Variants in AGL observed in about 807,000 individuals in gnomAD.
AGL encodes the protein glycogen debranching enzyme.
In AGL, 128 loss-of-function variants were observed where a neutral mutation model predicts 199.3. The ratio of observed to expected loss-of-function variants is 0.64; its 90% CI spans 0.56 to 0.74. The LOEUF is 0.74. AGL is among the 30% of genes least tolerant of loss of function. The pLI is 0.00. For missense variants in AGL, 1,809 were observed against 1,820.8 expected (o/e 0.99, Z 0.12); for synonymous variants, 584 against 594.7 (o/e 0.98, Z 0.26).
intron 23 of AGL, 36 bp from the exon 24 acceptor site, chr1:99,892,396 T>G: frequency 6.3e-7 from 1 of 1,596,066 alleles, no homozygotes; most frequent in South Asian, 1.1e-5. Flanking sequence ...AAAATTGTAT[T>G]TCTACAAGTA....
chr1:99,874,479 C>T (rs1204763897), intron 7 of AGL: 3 of 525,338 alleles, frequency 5.7e-6, no homozygotes, highest in Non-Finnish European at 6.7e-6. Flanking sequence ...TTCTCCCCCA[C>T]ACCCCTCGTG....
At chr1:99,895,250 A>G (rs1005324564) in intron 24 of AGL, among the ~76,000 whole-genome samples, 2 of 152,102 alleles carry the variant, frequency 1.3e-5, no homozygotes, top group Non-Finnish European at 2.9e-5. Flanking sequence ...GGGTTTCACC[A>G]TGTTGGCCAG....
intron 27 of AGL, among the ~76,000 whole-genome samples, chr1:99,906,490 T>G (rs1420093546): frequency 2.0e-5 from 3 of 152,188 alleles, no homozygotes; most frequent in Admixed American, 2.0e-4. Flanking sequence ...CTTTTTTACC[T>G]TGCAAAACAA....
intron 21 of AGL, among the ~76,000 whole-genome samples, chr1:99,888,801 C>G (rs1315814369): frequency 1.3e-5 from 2 of 152,132 alleles, no homozygotes; most frequent in East Asian, 3.8e-4. Context: ...CTCTTTATTT[C>G]TTTCTCCATC....
chr1:99,881,550 G>A lies in AGL; in HGVS notation c.2167G>A (p.Asp723Asn). The A allele has an allele frequency of 6.2e-7, 1 of 1,613,914 alleles. No individual in the cohort carries two copies. The highest frequency in any genetic ancestry group is 8.5e-7 in the Non-Finnish European group (1 of 1,179,928). The change falls in exon 17 of 34, where the codon GAT (aspartate) becomes AAT (asparagine). Residue 723 changes from aspartate to asparagine, a missense_variant. Transcript: ENST00000361915. ...GAKGFIQVYV[D>N]QVDEDIVAVT... ...TCTTTCTGCTTCTCAGGTGTATGTG[G>A]ATCAAGTTGATGAAGACATAGTGGC...
rs1057516306 is a variant in AGL at position 99,891,664 on chromosome 1, TC to T, written c.3011del (p.Pro1004HisfsTer8). 1 of 1,613,610 alleles carries T rather than the reference TC, an allele frequency of 6.2e-7. No individual in the cohort carries two copies. Among genetic ancestry groups the T allele is most frequent in the South Asian group, 1.1e-5 (1 of 91,070 alleles). On this transcript the variant is annotated frameshift_variant, in exon 23 of 34. Coordinates refer to ENST00000361915, the MANE Select transcript of AGL (RefSeq NM_000642.3). LOFTEE classifies it high-confidence loss of function. ...CTGAAGCAGATCCCACGTTACCTTA[TC>T]CCATGTTACTTTGATGCTATATTAA... ...FYLKQIPRYL[I>X]PCYFDAILIG...
rs71075465 is a variant in AGL at position 99,907,693 on chromosome 1, G to GTTTTTTTTTTTTTTTTTTT, written c.3701-3011_3701-3010insTTTTTTTTTTTTTTTTTTT. On this transcript the variant is annotated intron_variant, in intron 27 of 33. Transcript: ENST00000361915. ...TTTTGTTCGTTTGTTTTTGTTTTTT[G>GTTTTTTTTTTTTTTTTTTT]TTTTTTTTGCTAGTAGCCATCCTAA... Among the ~76,000 whole-genome samples, 99 of 118,926 alleles carry GTTTTTTTTTTTTTTTTTTT rather than the reference G, an allele frequency of 8.3e-4. 5 individuals carry two copies. Among genetic ancestry groups the GTTTTTTTTTTTTTTTTTTT allele is most frequent in the East Asian group, 1.4e-3 (5 of 3,680 alleles). 78.0% of individuals were successfully genotyped at this position (118,926 alleles called of 152,430 possible).
intron 33 of AGL, among the ~76,000 whole-genome samples, chr1:99,918,169 A>C (rs951311351): frequency 1.3e-5 from 2 of 152,212 alleles, no homozygotes; most frequent in Admixed American, 6.5e-5. Flanking sequence ...TATAGAATTC[A>C]AAGTTAAGCT....
At chr1:99,913,338 A>G (rs1476571044) in intron 29 of AGL, among the ~76,000 whole-genome samples, 189 bp from the exon 30 acceptor site, 1 of 152,174 alleles carries the variant, frequency 6.6e-6, no homozygotes, top group Non-Finnish European at 1.5e-5. Flanking sequence ...GTGGTGCTAC[A>G]TCTTCATAAT....
At chr1:99,852,368 T>C (rs1344011308) in intron 2 of AGL, among the ~76,000 whole-genome samples, 2 of 149,454 alleles carry the variant, frequency 1.3e-5, no homozygotes, top group Admixed American at 1.3e-4. Flanking sequence ...TTTTTTTTTT[T>C]TTTTCCTTTT....
At chr1:99,871,681 C>T (rs1051257687) in intron 7 of AGL, among the ~76,000 whole-genome samples, 1 of 152,114 alleles carries the variant, frequency 6.6e-6, no homozygotes, top group South Asian at 2.1e-4. Flanking sequence ...TCAACTTTTG[C>T]AATTGTGTAA....
At chr1:99,857,506 C>T (rs1370470278) in intron 2 of AGL, among the ~76,000 whole-genome samples, 1 of 152,024 alleles carries the variant, frequency 6.6e-6, no homozygotes, top group Non-Finnish European at 1.5e-5. Context: ...CGCCACTGCA[C>T]TCCAGCCTGG....
At chr1:99,888,868 C>A (rs1652661054) in intron 21 of AGL, among the ~76,000 whole-genome samples, 1 of 152,130 alleles carries the variant, frequency 6.6e-6, no homozygotes, top group Non-Finnish European at 1.5e-5. Context: ...CCTTCTTTAA[C>A]TATTGCTTTT....
At chr1:99,870,341 C>CAT in intron 5 of AGL, 59 bp from the exon 6 acceptor site, 1 of 1,523,276 alleles carries the variant, frequency 6.6e-7, no homozygotes, top group African/African-American at 1.4e-5. Context: ...CTAAACTTAA[C>CAT]ATAGATACAG....
chr1:99,861,626 A>G lies in AGL; in HGVS notation c.206A>G (p.Asn69Ser), dbSNP rs1226143115. 2 of 1,613,838 alleles carry G rather than the reference A, an allele frequency of 1.2e-6. No homozygotes were observed. The highest frequency in any genetic ancestry group is 1.7e-4 in the Middle Eastern group (1 of 6,054). Residue 69 changes from asparagine (N) to serine (S), a missense_variant, in exon 3 of 34, where the codon AAT becomes AGT. Transcript: ENST00000361915. ...REKFRSLDWENPTEREDDSDK... is the reference protein window; with the variant it reads ...REKFRSLDWESPTEREDDSDK... Reference sequence around the variant, plus strand: ...AAATTCCGTTCTCTGGATTGGGAAAATCCAACAGAAAGAGAAGATGATTCT... The same window carrying G: ...AAATTCCGTTCTCTGGATTGGGAAAGTCCAACAGAAAGAGAAGATGATTCT...
At position 99,916,437 on chromosome 1, in the gene AGL, CAA is replaced by C; in HGVS notation, c.4288_4289del (p.Asn1430CysfsTer5). The C allele has an allele frequency of 6.2e-7, 1 of 1,611,816 alleles. No homozygotes were observed. Among genetic ancestry groups the C allele is most frequent in the Non-Finnish European group, 8.5e-7 (1 of 1,178,658 alleles). On this transcript the variant is annotated frameshift_variant, in exon 32 of 34. Transcript: ENST00000361915. LOFTEE classifies it high-confidence loss of function. ...ATATGGTTTACTGTGGAATTTATGA[CAA>C]TGCATTAGACAATGACAACTACAAT... is the stretch of plus-strand genomic sequence containing the variant. ...DDMVYCGIYDNALDNDNYNLA... is the reference protein window; with the variant it reads ...DDMVYCGIYDXALDNDNYNLA...
chr1:99,864,991 G>A (rs1005625664), intron 5 of AGL, among the ~76,000 whole-genome samples: 1 of 152,114 alleles, frequency 6.6e-6, no homozygotes, highest in African/African-American at 2.4e-5. Context: ...CAATTCATAA[G>A]TTTTAATTTT....
intron 2 of AGL, among the ~76,000 whole-genome samples, chr1:99,857,854 A>AGGGGGAGGGGGGGGGGT (rs1649691324): frequency 9.0e-6 from 1 of 110,646 alleles, no homozygotes. Context: ...GGGAGGGGGG[A>AGGGGGAGGGGGGGGGGT]AGAGGGAGAG....
chr1:99,864,662 G>A, intron 5 of AGL, 73 bp downstream of exon 5: 1 of 1,334,628 alleles, frequency 7.5e-7, no homozygotes, highest in South Asian at 1.2e-5. Flanking sequence ...ACACAAATAA[G>A]AGAAAGGAAG....
Sources: allele counts gnomAD v4.1 joint callset (sites outside exome capture counted in the v4.1 genomes callset), GRCh38; gene constraint gnomAD v4.1.1; transcripts MANE v1.5; gene names NCBI Gene and HGNC (gene_info 2026-07-23, HGNC 2026-07-21).